CAMTA1: variants seen among roughly 807,000 people sequenced by gnomAD.
The protein encoded by CAMTA1 is calmodulin-binding transcription activator 1.
Under a neutral mutation model 170.9 loss-of-function variants are expected in CAMTA1, and 27 were observed. That is an observed-to-expected ratio of 0.16 (90% confidence interval 0.12 to 0.22). CAMTA1 has a LOEUF of 0.22. Ranked by LOEUF, CAMTA1 falls within the 10% of genes least tolerant of loss-of-function variation. The pLI is 1.00. For synonymous variants in CAMTA1, 833 were observed against 891.5 expected, an observed-to-expected ratio of 0.93 and a Z score of 1.17; for missense variants, 1,619 against 2,217.2, an observed-to-expected ratio of 0.73 and a Z score of 5.42.
intron 5 of CAMTA1, among the ~76,000 whole-genome samples, chr1:7,398,064 A>G (rs2089470390): frequency 1.4e-5 from 2 of 147,888 alleles, no homozygotes; most frequent in South Asian, 2.1e-4. Context: ...TGATCTGTTC[A>G]TTGCTGAATG....
chr1:6,814,710 A>T (rs960676982), intron 1 of CAMTA1, among the ~76,000 whole-genome samples: 23 of 152,150 alleles, frequency 1.5e-4, no homozygotes, highest in South Asian at 4.1e-4. Flanking sequence ...TTTTCTTTTT[A>T]AAAAATAGTA....
chr1:7,520,712 C>G (rs1486565761), intron 6 of CAMTA1, among the ~76,000 whole-genome samples: 1 of 152,164 alleles, frequency 6.6e-6, no homozygotes, highest in Non-Finnish European at 1.5e-5. Flanking sequence ...CCAGCTACCC[C>G]AGGCTCCTAC....
At chr1:7,136,489 T>C (rs542524622) in intron 4 of CAMTA1, among the ~76,000 whole-genome samples, 25 of 152,296 alleles carry the variant, frequency 1.6e-4, no homozygotes, top group Non-Finnish European at 2.6e-4. Context: ...GCGTTCCTAT[T>C]GTTCATACCC....
intron 3 of CAMTA1, among the ~76,000 whole-genome samples, chr1:6,864,674 C>T (rs182669136): frequency 1.3e-5 from 2 of 152,324 alleles, no homozygotes; most frequent in African/African-American, 2.4e-5. Context: ...CGCCCTCCAC[C>T]TTGGTTCCCT....
chr1:7,143,591 A>G (rs1047853965), intron 4 of CAMTA1, among the ~76,000 whole-genome samples: 7 of 152,130 alleles, frequency 4.6e-5, no homozygotes, highest in African/African-American at 9.7e-5. Flanking sequence ...ACCTCCAACT[A>G]ACACTGAGGT....
chr1:6,915,474 C>G (rs376165678), intron 3 of CAMTA1, among the ~76,000 whole-genome samples: 1 of 152,158 alleles, frequency 6.6e-6, no homozygotes, highest in Non-Finnish European at 1.5e-5. Flanking sequence ...TTGGTACAGG[C>G]TGTGGTTTGA....
chr1:6,982,671 C>G (rs76691586), intron 3 of CAMTA1, among the ~76,000 whole-genome samples: 3,092 of 152,302 alleles, frequency 0.02, 102 homozygotes, highest in African/African-American at 0.071. Context: ...TCCCTGTCCC[C>G]ACGCAGTTGG....
chr1:7,360,112 C>G (rs1306174004), intron 5 of CAMTA1, among the ~76,000 whole-genome samples: 1 of 152,126 alleles, frequency 6.6e-6, no homozygotes, highest in Non-Finnish European at 1.5e-5. Context: ...CAACCCCCAC[C>G]TTTTTATAAG....
At chr1:7,308,173 C>CT (rs1675882559) in intron 5 of CAMTA1, among the ~76,000 whole-genome samples, 1 of 151,592 alleles carries the variant, frequency 6.6e-6, no homozygotes, top group Non-Finnish European at 1.5e-5. Context: ...TTTCCCTTAT[C>CT]TTTTTTATGT....
At chr1:7,273,281 A>T (rs796367329) in intron 5 of CAMTA1, among the ~76,000 whole-genome samples, 5 of 152,378 alleles carry the variant, frequency 3.3e-5, no homozygotes, top group African/African-American at 1.2e-4. Flanking sequence ...GCATATTCAC[A>T]GAAAAACTTA....
intron 5 of CAMTA1, among the ~76,000 whole-genome samples, chr1:7,314,076 G>A (rs573085676): frequency 3.3e-5 from 5 of 152,290 alleles, no homozygotes; most frequent in Non-Finnish European, 5.9e-5. Flanking sequence ...TTCATCCCCC[G>A]GGAGGGATCC....
At chr1:7,654,798 TAC>T (rs1558062500) in intron 7 of CAMTA1, among the ~76,000 whole-genome samples, 2 of 132,422 alleles carry the variant, frequency 1.5e-5, no homozygotes, top group East Asian at 2.4e-4. Context: ...CACACACCTA[TAC>T]ACACACCCAC....
chr1:7,579,523 C>G (rs1409339949), intron 6 of CAMTA1, among the ~76,000 whole-genome samples: 3 of 135,232 alleles, frequency 2.2e-5, no homozygotes, highest in Non-Finnish European at 4.8e-5. Flanking sequence ...TGGTTTTGCT[C>G]TAAGGTCCAC....
At chr1:7,484,163 G>A (rs2093582948) in intron 6 of CAMTA1, among the ~76,000 whole-genome samples, 1 of 152,174 alleles carries the variant, frequency 6.6e-6, no homozygotes, top group Non-Finnish European at 1.5e-5. Context: ...TCATCCCAGG[G>A]CAGACCCGGT....
Position 7,087,063 on chromosome 1 carries a change from G to C in CAMTA1, c.235-4241G>C, listed in dbSNP as rs185672320. 2.6e-5 allele frequency among the ~76,000 whole-genome samples: 4 copies of C among 152,330 alleles called. No homozygotes were observed. The East Asian group carries it at 7.7e-4, about 29-fold the overall frequency. On this transcript the variant is annotated intron_variant, in intron 3 of 22. Coordinates refer to ENST00000303635, the MANE Select transcript of CAMTA1 (RefSeq NM_015215.4). The stretch of plus-strand genomic sequence containing the variant: ...CCATGAACATGCTGAGCTTGGACAA[G>C]TGCTTTTCTGTTCTATACCTCGGTT...
intron 6 of CAMTA1, among the ~76,000 whole-genome samples, chr1:7,480,827 G>T (rs61274173): frequency 6.6e-6 from 1 of 152,024 alleles, no homozygotes; most frequent in South Asian, 2.1e-4. Context: ...TGACTCCCAC[G>T]TTCATATCTA....
At chr1:7,161,398 T>C (rs6667429) in intron 4 of CAMTA1, among the ~76,000 whole-genome samples, 130,684 of 152,178 alleles carry the variant, frequency 0.86, 56,162 homozygotes, top group Admixed American at 0.87. Context: ...AAATCTCCAT[T>C]GAGGGCTGAT....
chr1:7,031,599 G>A (rs1702804343), intron 3 of CAMTA1, among the ~76,000 whole-genome samples: 1 of 152,128 alleles, frequency 6.6e-6, no homozygotes, highest in South Asian at 2.1e-4. Context: ...GAGTGCAGTG[G>A]TGCAATCTTG....
rs534761062 is a variant in CAMTA1, at chr1:7,420,480, C to T, written c.439-47350C>T. On this transcript the variant is annotated intron_variant, in intron 5 of 22. Transcript: ENST00000303635. Reference sequence around the variant, plus strand: ...CTCAGTGCCTACCACAGCACCAGGCCCTGGTGGCACTCAGGAAATCATGTC... The same window carrying T: ...CTCAGTGCCTACCACAGCACCAGGCTCTGGTGGCACTCAGGAAATCATGTC... Among the ~76,000 whole-genome samples the T allele has an allele frequency of 3.3e-5, 5 of 152,190 alleles. No individual in the cohort carries two copies. The South Asian group carries it at 1.0e-3, about 32-fold the overall frequency.
Sources: gnomAD v4.1 joint callset for allele counts (sites outside exome capture counted in the v4.1 genomes callset) on GRCh38, gnomAD v4.1.1 for gene constraint, MANE v1.5 for transcripts, NCBI Gene and HGNC (gene_info 2026-07-23, HGNC 2026-07-21) for gene names.